PLCB1: variants seen among roughly 807,000 people sequenced by gnomAD.
PLCB1 encodes 1-phosphatidylinositol 4,5-bisphosphate phosphodiesterase beta-1.
PLCB1 carries 46 observed loss-of-function variants against 161.8 expected under a neutral mutation model. That is an observed-to-expected ratio of 0.28 (90% CI 0.22 to 0.36). The LOEUF (loss-of-function observed/expected upper bound fraction) is 0.36. PLCB1 is among the 10% of genes least tolerant of loss of function. The pLI is 1.00. For missense variants in PLCB1, 1,016 were observed against 1,472.5 expected (o/e 0.69, Z 5.07); for synonymous variants, 517 against 503.7 (o/e 1.03, Z -0.35).
chr20:8,661,947 ATATATAATTATATAATTATTTAT>A (rs1989637556), intron 9 of PLCB1, among the ~76,000 whole-genome samples: 2 of 66,938 alleles, frequency 3.0e-5, no homozygotes, highest in Non-Finnish European at 3.2e-5. Flanking sequence ...AAGTGTATAT[ATATATAATTATATAATTATTTAT>A]TATATAATTA....
At chr20:8,563,683 G>A (rs1032324019) in intron 3 of PLCB1, among the ~76,000 whole-genome samples, 4 of 152,094 alleles carry the variant, frequency 2.6e-5, no homozygotes, top group Admixed American at 2.0e-4. Flanking sequence ...AAAATCACAA[G>A]CATTCCTATA....
chr20:8,526,800 A>G (rs566966113), intron 3 of PLCB1, among the ~76,000 whole-genome samples: 2 of 152,256 alleles, frequency 1.3e-5, no homozygotes, highest in East Asian at 3.9e-4. Context: ...GTTAATATGC[A>G]CCTACTGTTT....
chr20:8,859,733 T>G (rs1216596323), intron 31 of PLCB1, among the ~76,000 whole-genome samples: 2 of 152,066 alleles, frequency 1.3e-5, no homozygotes, highest in African/African-American at 2.4e-5. Context: ...TGGGGTCTAT[T>G]GGAGCAAGTT....
chr20:8,669,200 C>T (rs923993211), intron 9 of PLCB1, among the ~76,000 whole-genome samples: 1 of 152,154 alleles, frequency 6.6e-6, no homozygotes, highest in Non-Finnish European at 1.5e-5. Context: ...ATTCATCTAG[C>T]AAATATCTAT....
At chr20:8,382,308 A>C (rs76442785) in intron 3 of PLCB1, among the ~76,000 whole-genome samples, 18,777 of 124,054 alleles carry the variant, frequency 0.15, 1,639 homozygotes, top group Non-Finnish European at 0.2. Context: ...TTTGAGATGG[A>C]GTCTTGCTCT....
chr20:8,809,428 C>G (rs1277140540), intron 31 of PLCB1, among the ~76,000 whole-genome samples: 2 of 152,174 alleles, frequency 1.3e-5, no homozygotes, highest in Admixed American at 6.5e-5. Flanking sequence ...CTCTGACAGT[C>G]TGCTACTGTA....
intron 3 of PLCB1, among the ~76,000 whole-genome samples, chr20:8,569,837 T>TA (rs769703104): frequency 6.6e-6 from 1 of 152,210 alleles, no homozygotes; most frequent in Non-Finnish European, 1.5e-5. Context: ...TCCAAAAGGC[T>TA]AATAGTGATT....
At chr20:8,336,776 T>C (rs1204673976) in intron 2 of PLCB1, among the ~76,000 whole-genome samples, 1 of 152,236 alleles carries the variant, frequency 6.6e-6, no homozygotes, top group African/African-American at 2.4e-5. Flanking sequence ...TTATTTTCTA[T>C]GGAAAAGAAT....
Position 8,557,825 on chromosome 20 carries a change from G to A in PLCB1, c.247-70469G>A, listed in dbSNP as rs1020924818. On this transcript the variant is annotated intron_variant, in intron 3 of 31. Transcript: ENST00000338037. ...AGCAGTGGCAAGAATCTGGTTTCTG[G>A]AGTTACCACATAATAATATTCAAAA... 1.6e-4 allele frequency among the ~76,000 whole-genome samples: 24 copies of A among 151,914 alleles called. 1 individual carries two copies. The highest frequency in any genetic ancestry group is 1.1e-3 in the Admixed American group (17 of 15,216).
At chr20:8,872,442 G>A (rs1447670578) in intron 31 of PLCB1, among the ~76,000 whole-genome samples, 1 of 152,108 alleles carries the variant, frequency 6.6e-6, no homozygotes, top group African/African-American at 2.4e-5. Context: ...TTACAAAGTT[G>A]AACAAAAGCT....
intron 3 of PLCB1, among the ~76,000 whole-genome samples, chr20:8,512,690 T>G (rs1016444789): frequency 6.6e-6 from 1 of 152,078 alleles, no homozygotes; most frequent in Non-Finnish European, 1.5e-5. Context: ...ATAATACAAA[T>G]TGTACCCCAA....
At chr20:8,629,270 C>A (rs1988454413) in intron 4 of PLCB1, among the ~76,000 whole-genome samples, 1 of 152,022 alleles carries the variant, frequency 6.6e-6, no homozygotes, top group Non-Finnish European at 1.5e-5. Flanking sequence ...TAAGTAAGAA[C>A]AAATAATATT....
At chr20:8,384,280 A>G (rs1315966592) in intron 3 of PLCB1, among the ~76,000 whole-genome samples, 1 of 151,666 alleles carries the variant, frequency 6.6e-6, no homozygotes, top group Non-Finnish European at 1.5e-5. Context: ...GTGGTCTTCA[A>G]ACTCTGATAT....
rs200877038 is a variant in PLCB1, at chr20:8,240,306, G to A, written c.177+89935G>A. 2.6e-3 allele frequency among the ~76,000 whole-genome samples: 202 copies of A among 77,108 alleles called. 1 individual carries two copies. Among genetic ancestry groups the A allele is most frequent in the African/African-American group, 0.01 (181 of 18,096 alleles). The allele number at this position is 77,108 out of a possible 152,430, so 50.6% of individuals were successfully genotyped here. ...CACACACACACACACACACACACACGCACACACACACACATTTGCTTAATA... is the reference window on the plus strand; with the variant it reads ...CACACACACACACACACACACACACACACACACACACACATTTGCTTAATA... On this transcript the variant is annotated intron_variant, in intron 2 of 31. Transcript: ENST00000338037.
intron 2 of PLCB1, among the ~76,000 whole-genome samples, chr20:8,330,116 A>G (rs143925280): frequency 6.6e-6 from 1 of 152,180 alleles, no homozygotes; most frequent in Non-Finnish European, 1.5e-5. Context: ...GGACAAAACC[A>G]TGGGGCCTTA....
intron 31 of PLCB1, among the ~76,000 whole-genome samples, chr20:8,841,967 G>A (rs1041640911): frequency 6.6e-6 from 1 of 152,082 alleles, no homozygotes; most frequent in Non-Finnish European, 1.5e-5. Flanking sequence ...AGAGTAAATG[G>A]AAATAAGACA....
chr20:8,446,481 C>G (rs1404830028), intron 3 of PLCB1, among the ~76,000 whole-genome samples: 1 of 152,130 alleles, frequency 6.6e-6, no homozygotes, highest in Non-Finnish European at 1.5e-5. Context: ...TGAAAGCATT[C>G]CCTTTGAAAA....
chr20:8,371,452 T>C lies in PLCB1; in HGVS notation c.246+2T>C. 6.2e-7 allele frequency: 1 copy of C among 1,608,972 alleles called. No individual in the cohort carries two copies. The highest frequency in any genetic ancestry group is 8.5e-7 in the Non-Finnish European group (1 of 1,175,636). On this transcript the variant is annotated splice_donor_variant, in intron 3 of 31. Coordinates refer to ENST00000338037, the MANE Select transcript of PLCB1 (RefSeq NM_015192.4). LOFTEE classifies it high-confidence loss of function. ...GGGAGACACGCCAAAGCTCCCAAGG[T>C]AGGAGGTTGAGTGTTGTGCATGCAC... is the stretch of plus-strand genomic sequence containing the variant.
At chr20:8,319,827 G>T (rs1377020195) in intron 2 of PLCB1, among the ~76,000 whole-genome samples, 1 of 148,624 alleles carries the variant, frequency 6.7e-6, no homozygotes, top group Non-Finnish European at 1.5e-5. Context: ...CCAACACTGG[G>T]AGGAAAGGAG....
Sources: allele counts gnomAD v4.1 joint callset (sites outside exome capture counted in the v4.1 genomes callset), GRCh38; gene constraint gnomAD v4.1.1; transcripts MANE v1.5; gene names NCBI Gene and HGNC (gene_info 2026-07-23, HGNC 2026-07-21).